FLVCR2: variants seen among roughly 807,000 people sequenced by gnomAD.
FLVCR2 encodes FLVCR choline and putative heme transporter 2, also known as choline/ethanolamine transporter FLVCR2.
Under a neutral mutation model 48.9 loss-of-function variants are expected in FLVCR2, and 38 were observed. That is an observed-to-expected ratio of 0.78 (90% CI 0.60 to 1.02). The LOEUF (loss-of-function observed/expected upper bound fraction) is 1.02. Ranked by LOEUF, FLVCR2 falls within the 50% of genes least tolerant of loss-of-function variation. The pLI, the probability that FLVCR2 is intolerant of heterozygous loss-of-function variation, is 0.00. For missense variants in FLVCR2, 664 were observed against 663.3 expected (o/e 1.00, Z -0.01); for synonymous variants, 255 against 257.0 (o/e 0.99, Z 0.07).
chr14:75,610,021 C>T (rs1594801048), intron 1 of FLVCR2, among the ~76,000 whole-genome samples: 2 of 152,234 alleles, frequency 1.3e-5, no homozygotes, highest in Admixed American at 6.5e-5. Context: ...ATTTGAATGG[C>T]GCTTTGCACA....
intron 3 of FLVCR2, among the ~76,000 whole-genome samples, chr14:75,627,497 G>A (rs1326927117): frequency 2.0e-5 from 3 of 152,160 alleles, no homozygotes; most frequent in African/African-American, 7.2e-5. Context: ...CAGCCATGGG[G>A]CTGTGACATC....
chr14:75,607,638 T>C (rs1373488250), intron 1 of FLVCR2, among the ~76,000 whole-genome samples: 1 of 152,212 alleles, frequency 6.6e-6, no homozygotes, highest in Non-Finnish European at 1.5e-5. Flanking sequence ...GGTCTCTGCT[T>C]CCTCGTCTGG....
intron 3 of FLVCR2, among the ~76,000 whole-genome samples, chr14:75,628,189 A>G (rs1241211112): frequency 1.3e-5 from 2 of 151,990 alleles, no homozygotes; most frequent in Non-Finnish European, 2.9e-5. Flanking sequence ...ATCTCGGCTC[A>G]CTGCAACCTC....
Position 75,578,736 on chromosome 14 carries a change from G to C in FLVCR2, c.-237G>C, listed in dbSNP as rs1387655759. On this transcript the variant is annotated 5_prime_UTR_variant, in exon 1 of 10. Transcript: ENST00000238667. ...GGAGCCGGCTGCGGCGTGTGCGGCCGGCCTTGGGACAGCGATCGCCGCGGG... is the reference window on the plus strand; with the variant it reads ...GGAGCCGGCTGCGGCGTGTGCGGCCCGCCTTGGGACAGCGATCGCCGCGGG... 1 of 589,644 alleles carries C rather than the reference G, an allele frequency of 1.7e-6. No individual in the cohort carries two copies. Among genetic ancestry groups the C allele is most frequent in the Admixed American group, 3.0e-5 (1 of 33,756 alleles). The allele number at this position is 589,644 out of a possible 1,614,324, so 36.5% of individuals were successfully genotyped here.
intron 1 of FLVCR2, among the ~76,000 whole-genome samples, chr14:75,621,225 G>A (rs924252500): frequency 1.3e-5 from 2 of 151,840 alleles, no homozygotes; most frequent in Admixed American, 6.6e-5. Context: ...CATCCTGGCC[G>A]ACATGGTGAA....
chr14:75,626,759 CTTCTAGACTCAGGA>C (rs1337194935), intron 3 of FLVCR2, among the ~76,000 whole-genome samples: 1 of 151,886 alleles, frequency 6.6e-6, no homozygotes, highest in Non-Finnish European at 1.5e-5. Flanking sequence ...TTTGGGGGCC[CTTCTAGACTCAGGA>C]TTCCATGACT....
intron 1 of FLVCR2, among the ~76,000 whole-genome samples, chr14:75,612,561 C>A (rs1889487675): frequency 6.6e-6 from 1 of 152,132 alleles, no homozygotes; most frequent in South Asian, 2.1e-4. Context: ...CCGAGTTGAC[C>A]TTTTCAAAAG....
intron 1 of FLVCR2, among the ~76,000 whole-genome samples, chr14:75,613,731 A>C (rs113830048): frequency 4.0e-3 from 613 of 152,082 alleles, no homozygotes; most frequent in African/African-American, 0.012. Flanking sequence ...TTGTATTTTT[A>C]GTAGAGATAG....
At chr14:75,631,745 C>A (rs1179139994) in intron 3 of FLVCR2, 1 of 456,030 alleles carries the variant, frequency 2.2e-6, no homozygotes, top group South Asian at 1.5e-5. Context: ...TTCTCCTTCC[C>A]ACGCTCCACC....
intron 5 of FLVCR2, among the ~76,000 whole-genome samples, chr14:75,635,407 TC>T (rs1167301877): frequency 1.3e-5 from 2 of 152,218 alleles, no homozygotes; most frequent in African/African-American, 4.8e-5. Flanking sequence ...TCTCCTGTTC[TC>T]ATGGCACCTT....
intron 1 of FLVCR2, among the ~76,000 whole-genome samples, chr14:75,609,886 C>T (rs1889394489): frequency 6.7e-6 from 1 of 148,812 alleles, no homozygotes. Flanking sequence ...GGGAGTGGCA[C>T]CTTTGAGTTG....
chr14:75,637,820 A>C (rs1256270419), intron 5 of FLVCR2, among the ~76,000 whole-genome samples: 2 of 151,946 alleles, frequency 1.3e-5, no homozygotes, highest in African/African-American at 4.8e-5. Context: ...AGGGATGTGC[A>C]GTGCCTATGC....
chr14:75,628,606 A>G (rs961001124), intron 3 of FLVCR2, among the ~76,000 whole-genome samples: 1 of 152,228 alleles, frequency 6.6e-6, no homozygotes, highest in African/African-American at 2.4e-5. Flanking sequence ...TCACAGGCAC[A>G]TGTACTGGAC....
rs777838404 is a variant in FLVCR2 at position 75,640,967 on chromosome 14, T to C, written c.1248T>C (p.Thr416=). Residue 416 remains threonine (T), a synonymous_variant, in exon 7 of 10, where the codon ACT becomes ACC. Coordinates refer to ENST00000238667, the MANE Select transcript of FLVCR2 (RefSeq NM_017791.3). The stretch of plus-strand genomic sequence containing the variant: ...GTCTGGTCTTCAGCTTCTTTATGAC[T>C]GGCTATCTCCCACTGGGATTTGAGT... The part of the protein sequence containing the change: ...ITAGTMGFFM[T]GYLPLGFEFA... 6.2e-7 allele frequency: 1 copy of C among 1,613,532 alleles called. No homozygotes were observed. The highest frequency in any genetic ancestry group is 8.5e-7 in the Non-Finnish European group (1 of 1,179,458).
intron 1 of FLVCR2, among the ~76,000 whole-genome samples, chr14:75,607,191 C>T (rs757476830): frequency 1.1e-4 from 17 of 152,132 alleles, no homozygotes; most frequent in Admixed American, 2.6e-4. Context: ...GCCTGCCTCA[C>T]AGGGTTGCCA....
intron 1 of FLVCR2, among the ~76,000 whole-genome samples, chr14:75,621,799 T>C (rs1366015772): frequency 6.6e-6 from 1 of 152,202 alleles, no homozygotes. Flanking sequence ...CCATTTTTCA[T>C]CAATTTGCAG....
rs140778783 is a variant in FLVCR2 at position 75,593,510 on chromosome 14, C to T, written c.669+13869C>T. 1.1e-3 allele frequency among the ~76,000 whole-genome samples: 170 copies of T among 152,324 alleles called. 3 individuals are homozygous for T. In the Middle Eastern group the frequency reaches 0.014, roughly 12 times the overall value. On this transcript the variant is annotated intron_variant, in intron 1 of 9. Transcript: ENST00000238667. ...TTAAAACAACCCACTATCATGGGAA[C>T]TCACCCATTTCTGCAGGAACTAATC...
chr14:75,633,578 G>A, intron 3 of FLVCR2, 51 bp from the exon 4 acceptor site: 1 of 1,427,778 alleles, frequency 7.0e-7, no homozygotes, highest in Non-Finnish European at 9.9e-7. Flanking sequence ...GTTAGCAATG[G>A]CCCCAGAAGA....
intron 1 of FLVCR2, among the ~76,000 whole-genome samples, chr14:75,591,432 C>A (rs1254238521): frequency 1.3e-5 from 2 of 152,256 alleles, no homozygotes; most frequent in Non-Finnish European, 2.9e-5. Flanking sequence ...GGAGGGGGTT[C>A]CCAATGCCTC....
Sources: gnomAD v4.1 joint callset for allele counts (sites outside exome capture counted in the v4.1 genomes callset) on GRCh38, gnomAD v4.1.1 for gene constraint, MANE v1.5 for transcripts, NCBI Gene and HGNC (gene_info 2026-07-23, HGNC 2026-07-21) for gene names.